Variants in STPG2 observed in about 807,000 individuals in gnomAD.
STPG2 encodes sperm-tail PG-rich repeat-containing protein 2.
Under a neutral mutation model 54.2 loss-of-function variants are expected in STPG2, and 56 were observed. The observed-to-expected ratio is 1.03, with a 90% CI of 0.83 to 1.29. The LOEUF (loss-of-function observed/expected upper bound fraction) is 1.29. Among genes scored for constraint, STPG2 ranks in the 50% most tolerant of loss-of-function variants. The pLI is 0.00. For missense variants in STPG2, 596 were observed against 544.9 expected (o/e 1.09, Z -0.93); for synonymous variants, 200 against 181.8 (o/e 1.10, Z -0.81).
intron 5 of STPG2, among the ~76,000 whole-genome samples, chr4:98,083,416 C>T (rs901157093): frequency 6.6e-6 from 1 of 152,070 alleles, no homozygotes; most frequent in Non-Finnish European, 1.5e-5. Flanking sequence ...TGGAGCTTAA[C>T]CCTTTCATAT....
rs1390228597 is a variant in STPG2 at position 97,682,125 on chromosome 4, T to G, written c.1320+30574A>C. On this transcript the variant is annotated intron_variant, in intron 10 of 10. Transcript: ENST00000295268. ...TTAACGTTAAAAGCAGAAAGTTATATGCTACCAAATCTAATGAATTATATA... is the reference window on the plus strand; with the variant it reads ...TTAACGTTAAAAGCAGAAAGTTATAGGCTACCAAATCTAATGAATTATATA... Among the ~76,000 whole-genome samples, 3 of 151,736 alleles carry G rather than the reference T, an allele frequency of 2.0e-5. No homozygotes were observed. In the East Asian group the frequency reaches 5.8e-4, roughly 29 times the overall value.
At chr4:97,897,683 T>G (rs1380140050) in intron 8 of STPG2, among the ~76,000 whole-genome samples, 1 of 152,198 alleles carries the variant, frequency 6.6e-6, no homozygotes, top group Non-Finnish European at 1.5e-5. Flanking sequence ...TTTCATGTGA[T>G]TGCTAGCTGC....
At chr4:97,924,687 T>C (rs765728171) in intron 8 of STPG2, among the ~76,000 whole-genome samples, 8 of 152,214 alleles carry the variant, frequency 5.3e-5, no homozygotes, top group Non-Finnish European at 1.0e-4. Flanking sequence ...AAGTCAATTT[T>C]TAAATGTCAT....
intron 10 of STPG2, among the ~76,000 whole-genome samples, chr4:97,616,142 G>A (rs548903015): frequency 4.1e-4 from 55 of 133,662 alleles, no homozygotes; most frequent in Admixed American, 6.8e-4. Context: ...GTTAAGTGCA[G>A]TTTTCATGGA....
At chr4:98,088,674 A>G (rs1182629091) in intron 5 of STPG2, among the ~76,000 whole-genome samples, 16 of 23,988 alleles carry the variant, frequency 6.7e-4, no homozygotes, top group Admixed American at 5.1e-3. Context: ...CTTTAGGGGA[A>G]AAAAAAAAAA....
intron 8 of STPG2, among the ~76,000 whole-genome samples, chr4:97,907,022 T>C (rs1292511360): frequency 2.7e-5 from 4 of 150,796 alleles, no homozygotes; most frequent in Non-Finnish European, 4.4e-5. Context: ...GCCAGGGCAA[T>C]TAGGCAGGAG....
At chr4:98,029,132 A>G (rs1224404158) in intron 5 of STPG2, among the ~76,000 whole-genome samples, 1 of 152,126 alleles carries the variant, frequency 6.6e-6, no homozygotes, top group Non-Finnish European at 1.5e-5. Context: ...TTCTATGTGC[A>G]TGTAGAAATA....
Position 98,131,709 on chromosome 4 carries a change from A to G in STPG2, c.222+2638T>C, listed in dbSNP as rs559815150. Among the ~76,000 whole-genome samples the G allele has an allele frequency of 4.6e-5, 7 of 152,304 alleles. No homozygotes were observed. The South Asian group carries it at 1.5e-3, about 32-fold the overall frequency. The stretch of plus-strand genomic sequence containing the variant: ...TTGATGTAAAAATTATTAATTATAT[A>G]GCACCCAATGTACCTTTCTAAACAT... On this transcript the variant is annotated intron_variant, in intron 2 of 10. Transcript: ENST00000295268.
chr4:97,890,759 A>G (rs1403071882), intron 8 of STPG2, among the ~76,000 whole-genome samples: 1 of 152,006 alleles, frequency 6.6e-6, no homozygotes, highest in East Asian at 1.9e-4. Flanking sequence ...TTATCATTAT[A>G]CACTATATAA....
intron 8 of STPG2, among the ~76,000 whole-genome samples, chr4:97,938,465 G>C (rs1732844284): frequency 8.0e-5 from 1 of 12,550 alleles, no homozygotes; most frequent in South Asian, 3.0e-3. Flanking sequence ...AAGTCAGAAG[G>C]CTTAGACAGC....
At chr4:98,072,373 A>T (rs1205936908) in intron 5 of STPG2, among the ~76,000 whole-genome samples, 5 of 152,130 alleles carry the variant, frequency 3.3e-5, no homozygotes, top group African/African-American at 1.2e-4. Flanking sequence ...ACAAATGGAC[A>T]CATGGCAGGG....
intron 4 of STPG2, among the ~76,000 whole-genome samples, chr4:97,464,271 T>C (rs1400514409): frequency 6.6e-6 from 1 of 152,202 alleles, no homozygotes; most frequent in African/African-American, 2.4e-5. Context: ...GTACGCAGTA[T>C]AACAACTACT....
Position 97,972,393 on chromosome 4 carries a change from T to G in STPG2, c.820A>C (p.Arg274=). 6.2e-7 allele frequency: 1 copy of G among 1,605,266 alleles called. No homozygotes were observed. The highest frequency in any genetic ancestry group is 8.5e-7 in the Non-Finnish European group (1 of 1,174,192). ...TTCTGTTTCTTTGAGCAGATATTTC[T>G]AACACTGGCAATTATAGTATTGTTC... ...VLNNTIIASV[R]NICSKKQKKS... Residue 274 remains arginine, a synonymous_variant, in exon 7 of 11, where the codon AGA becomes CGA. Coordinates refer to ENST00000295268, the MANE Select transcript of STPG2 (RefSeq NM_174952.3).
intron 4 of STPG2, among the ~76,000 whole-genome samples, chr4:97,460,157 A>C (rs1351795521): frequency 1.3e-5 from 2 of 152,022 alleles, no homozygotes; most frequent in African/African-American, 4.8e-5. Flanking sequence ...ACAACCACCC[A>C]CTTTCCTGCA....
At chr4:98,017,780 T>C (rs1736013622) in intron 5 of STPG2, among the ~76,000 whole-genome samples, 1 of 152,178 alleles carries the variant, frequency 6.6e-6, no homozygotes, top group Non-Finnish European at 1.5e-5. Flanking sequence ...GACTGGATCA[T>C]GGTGGTGGTT....
chr4:97,658,792 G>A (rs1029969836), intron 10 of STPG2, among the ~76,000 whole-genome samples: 6 of 152,218 alleles, frequency 3.9e-5, no homozygotes, highest in South Asian at 2.1e-4. Flanking sequence ...TGGGGCATAC[G>A]TACTAAATTT....
At chr4:97,856,183 G>C (rs922827496) in intron 8 of STPG2, among the ~76,000 whole-genome samples, 3 of 152,082 alleles carry the variant, frequency 2.0e-5, no homozygotes, top group African/African-American at 7.2e-5. Flanking sequence ...TTCTAAAATA[G>C]TTTTCTCTAA....
chr4:97,924,012 AAT>A (rs1487786551), intron 8 of STPG2, among the ~76,000 whole-genome samples: 1 of 152,152 alleles, frequency 6.6e-6, no homozygotes, highest in Non-Finnish European at 1.5e-5. Context: ...CCCCTTCCAC[AAT>A]GTGGAAGCTT....
intron 10 of STPG2, among the ~76,000 whole-genome samples, chr4:97,578,560 G>A (rs1358550610): frequency 6.6e-6 from 1 of 151,292 alleles, no homozygotes; most frequent in Non-Finnish European, 1.5e-5. Context: ...TGTCTGCATA[G>A]AATTGGAGAC....
Sources: gnomAD v4.1 joint callset for allele counts (sites outside exome capture counted in the v4.1 genomes callset) on GRCh38, gnomAD v4.1.1 for gene constraint, MANE v1.5 for transcripts, NCBI Gene and HGNC (gene_info 2026-07-23, HGNC 2026-07-21) for gene names.